The following PUS7 variants were observed in gnomAD, a reference collection of about 807,000 sequenced individuals.
PUS7 encodes pseudouridine synthase 7.
In PUS7, 48 loss-of-function variants were observed where a neutral mutation model predicts 79.8. The ratio of observed to expected loss-of-function variants is 0.60; its 90% CI spans 0.48 to 0.76. PUS7 has a LOEUF of 0.76. Among genes scored for constraint, PUS7 ranks in the 30% least tolerant of loss-of-function variants. PUS7 has a pLI of 0.00. For missense variants in PUS7, 729 were observed against 797.6 expected, an observed-to-expected ratio of 0.91 and a Z score of 1.04; for synonymous variants, 286 against 272.2, an observed-to-expected ratio of 1.05 and a Z score of -0.50.
intron 9 of PUS7, among the ~76,000 whole-genome samples, chr7:105,479,985 G>T (rs1333679077): frequency 1.3e-4 from 19 of 151,510 alleles, no homozygotes; most frequent in Admixed American, 1.2e-3. Context: ...GCAACAGCAA[G>T]ACTTCATCTC....
chr7:105,486,730 T>C lies in PUS7; in HGVS notation c.921-4290A>G, dbSNP rs1226374197. ...ACAGAAGTGCCTGATAGTTCTGTCC[T>C]TTTTTTTTTTAAGTTGAGATAAAGT... On this transcript the variant is annotated intron_variant, in intron 7 of 15. Coordinates refer to ENST00000469408, the MANE Select transcript of PUS7 (RefSeq NM_019042.5). Among the ~76,000 whole-genome samples, 3 of 145,666 alleles carry C rather than the reference T, an allele frequency of 2.1e-5. No individual in the cohort carries two copies. The Admixed American group carries it at 2.1e-4, about 10-fold the overall frequency.
intron 14 of PUS7, among the ~76,000 whole-genome samples, chr7:105,461,724 G>A (rs1269425900): frequency 6.6e-6 from 1 of 152,208 alleles, no homozygotes; most frequent in Non-Finnish European, 1.5e-5. Context: ...AAACATCACA[G>A]AATGTACTTA....
intron 6 of PUS7, 71 bp downstream of exon 6, chr7:105,495,071 C>T (rs545973449): frequency 4.9e-5 from 40 of 820,742 alleles, no homozygotes; most frequent in Non-Finnish European, 7.3e-5. Context: ...CTCCTTTTTC[C>T]ATTAGCATGG....
At chr7:105,521,288 T>C (rs73190175) in intron 1 of PUS7, among the ~76,000 whole-genome samples, 18,533 of 151,064 alleles carry the variant, frequency 0.12, 23 homozygotes, top group South Asian at 0.22. Context: ...AAAAAAGTAG[T>C]CTGACGGGAC....
intron 1 of PUS7, among the ~76,000 whole-genome samples, chr7:105,517,166 C>CTTTTTTTTCTTTTTTTT: frequency 6.8e-6 from 1 of 146,726 alleles, no homozygotes; most frequent in South Asian, 2.3e-4. Context: ...CTTCACATTT[C>CTTTTTTTTCTTTTTTTT]TTTTTTTGGC....
intron 1 of PUS7, among the ~76,000 whole-genome samples, chr7:105,520,786 C>G (rs1826079999): frequency 6.6e-6 from 1 of 151,908 alleles, no homozygotes; most frequent in South Asian, 2.1e-4. Context: ...GCCTGTAATT[C>G]CAGCACTTTG....
intron 1 of PUS7, among the ~76,000 whole-genome samples, chr7:105,514,599 A>G (rs1359267184): frequency 6.6e-6 from 1 of 151,598 alleles, no homozygotes; most frequent in Non-Finnish European, 1.5e-5. Flanking sequence ...GCGAGACTCC[A>G]TCTCAAAAAA....
At chr7:105,466,249 G>T (rs75930706) in intron 12 of PUS7, among the ~76,000 whole-genome samples, 1,635 of 152,050 alleles carry the variant, frequency 0.011, 28 homozygotes, top group African/African-American at 0.037. Flanking sequence ...CTTAGAAAAA[G>T]TAAAAGAAAT....
At position 105,481,310 on chromosome 7, in the gene PUS7, G is replaced by C. The variant is rs960930548; in HGVS notation, c.1050-133C>G. The C allele has an allele frequency of 6.9e-6, 4 of 576,862 alleles. No individual in the cohort carries two copies. In the African/African-American group the frequency reaches 7.7e-5, roughly 11 times the overall value. The allele number at this position is 576,862 out of a possible 1,614,324, so 35.7% of individuals were successfully genotyped here. ...TGCAGCTTTCTCTCTACCTCCCAAG[G>C]GCTCTTTCTTTCTTTAAGTTGTGGT... On this transcript the variant is annotated intron_variant, in intron 8 of 15. Coordinates refer to ENST00000469408, the MANE Select transcript of PUS7 (RefSeq NM_019042.5).
chr7:105,496,271 A>C (rs1825032136), intron 5 of PUS7, among the ~76,000 whole-genome samples: 1 of 150,094 alleles, frequency 6.7e-6, no homozygotes, highest in African/African-American at 2.4e-5. Context: ...ACACATACAT[A>C]TATATGCTTT....
chr7:105,494,765 C>T (rs1824937711), intron 6 of PUS7, among the ~76,000 whole-genome samples: 1 of 151,768 alleles, frequency 6.6e-6, no homozygotes, highest in Non-Finnish European at 1.5e-5. Flanking sequence ...ACTGCTTGAG[C>T]ACAGGAGTTC....
intron 13 of PUS7, 96 bp from the exon 14 acceptor site, chr7:105,462,846 G>A (rs1823491498): frequency 1.7e-6 from 2 of 1,160,078 alleles, no homozygotes; most frequent in South Asian, 2.9e-5. Context: ...AGTTCAGTTA[G>A]ACTGCCCTAA....
Position 105,505,982 on chromosome 7 carries a change from T to C in PUS7, c.558A>G (p.Lys186=). 1 of 1,613,270 alleles carries C rather than the reference T, an allele frequency of 6.2e-7. No homozygotes were observed. Among genetic ancestry groups the C allele is most frequent in the Non-Finnish European group, 8.5e-7 (1 of 1,179,708 alleles). Residue 186 remains lysine, a synonymous_variant, in exon 4 of 16, where the codon AAA becomes AAG. Transcript: ENST00000469408. ...CAATGGCAACACTGGTTTCCTTATT[T>C]TTGAACAGCTGGAGCTCTTCCAATC... ...KQRLEELQLF[K]NKETSVAIEV...
intron 9 of PUS7, among the ~76,000 whole-genome samples, chr7:105,473,731 T>A (rs1823970010): frequency 6.6e-6 from 1 of 152,030 alleles, no homozygotes; most frequent in Non-Finnish European, 1.5e-5. Context: ...TTTTTGTATT[T>A]TTAGTAGAGA....
In PUS7 at chr7:105,457,711, C is replaced by G; in HGVS notation, c.*79G>C. On this transcript the variant is annotated 3_prime_UTR_variant, in exon 16 of 16. Transcript: ENST00000469408. Reference sequence around the variant, plus strand: ...AAAGATTTGAAATCCATATATGAGTCTGAACTAAGACAAAAATGCACAGGG... The same window carrying G: ...AAAGATTTGAAATCCATATATGAGTGTGAACTAAGACAAAAATGCACAGGG... 7.0e-7 allele frequency: 1 copy of G among 1,437,384 alleles called. No homozygotes were observed. Among genetic ancestry groups the G allele is most frequent in the Non-Finnish European group, 9.5e-7 (1 of 1,051,768 alleles). 89.0% of individuals were successfully genotyped at this position (1,437,384 alleles called of 1,614,324 possible).
At chr7:105,482,190 C>T in intron 8 of PUS7, 122 bp downstream of exon 8, 5 of 1,207,568 alleles carry the variant, frequency 4.1e-6, no homozygotes, top group Non-Finnish European at 5.8e-6. Flanking sequence ...TCTGCCCTCC[C>T]TTGCTGCCAC....
intron 1 of PUS7, among the ~76,000 whole-genome samples, chr7:105,513,786 C>T (rs1825787838): frequency 1.4e-5 from 2 of 138,162 alleles, no homozygotes; most frequent in South Asian, 2.6e-4. Flanking sequence ...TGCGGTGAGC[C>T]GAGATTGTGC....
rs115880889 is a variant in PUS7 at position 105,485,835 on chromosome 7, G to A, written c.921-3395C>T. On this transcript the variant is annotated intron_variant, in intron 7 of 15. Transcript: ENST00000469408. ...TTGTTTTTGAGACAGAGTCTCTGTC[G>A]CCCAGGTTGGAGTGCAGTGGTGCGA... Among the ~76,000 whole-genome samples the A allele has an allele frequency of 3.1e-3, 478 of 151,938 alleles. 7 individuals carry two copies. The highest frequency in any genetic ancestry group is 0.01 in the African/African-American group (417 of 41,454).
In PUS7 at chr7:105,470,769, A is replaced by C; in HGVS notation, c.1317T>G (p.Pro439=). ...GCTGCCCTTCCACACACCTTTTGAC[A>C]GGTAGTTTTCTGAGGGCAGCAGTTG... ...KDPTAALRKL[P]VKRCVEGQLL... Residue 439 remains proline (P), a synonymous_variant, in exon 11 of 16, where the codon CCT becomes CCG. Coordinates refer to ENST00000469408, the MANE Select transcript of PUS7 (RefSeq NM_019042.5). 6.2e-7 allele frequency: 1 copy of C among 1,612,514 alleles called. No homozygotes were observed. Among genetic ancestry groups the C allele is most frequent in the East Asian group, 2.2e-5 (1 of 44,862 alleles).
Sources: gnomAD v4.1 joint callset for allele counts (sites outside exome capture counted in the v4.1 genomes callset) on GRCh38, gnomAD v4.1.1 for gene constraint, MANE v1.5 for transcripts, NCBI Gene and HGNC (gene_info 2026-07-23, HGNC 2026-07-21) for gene names.